KAZN: variants seen among roughly 807,000 people sequenced by gnomAD.
KAZN encodes the protein kazrin, periplakin interacting protein, also known as kazrin.
A neutral mutation model predicts 87.4 loss-of-function variants in KAZN; 40 were observed. The observed-to-expected ratio is 0.46, with a 90% confidence interval of 0.36 to 0.60. KAZN has a LOEUF of 0.60. Ranked by LOEUF, KAZN falls within the 20% of genes least tolerant of loss-of-function variation. The pLI is 0.00. For synonymous variants in KAZN, 466 were observed against 458.3 expected (o/e 1.02, Z -0.22); for missense variants, 898 against 1,073.9 (o/e 0.84, Z 2.29).
rs1644768553 is a variant in KAZN at position 14,122,292 on chromosome 1, G to A, written c.92-58143G>A. Among the ~76,000 whole-genome samples the A allele has an allele frequency of 2.6e-5, 4 of 152,178 alleles. No individual in the cohort carries two copies. In the South Asian group the frequency reaches 6.2e-4, roughly 24 times the overall value. On this transcript the variant is annotated intron_variant, in intron 1 of 16. Coordinates refer to the KAZN transcript ENST00000636203. Reference sequence around the variant, plus strand: ...TCAGAGATAACTGTAAAGTGTTTGAGCAAAACTTGAGTAATTCAATAAAAC... The same window carrying A: ...TCAGAGATAACTGTAAAGTGTTTGAACAAAACTTGAGTAATTCAATAAAAC...
intron 1 of KAZN, among the ~76,000 whole-genome samples, chr1:14,807,322 A>G (rs913333512): frequency 6.6e-6 from 1 of 152,168 alleles, no homozygotes; most frequent in Non-Finnish European, 1.5e-5. Flanking sequence ...TCATTCTGAA[A>G]ATCTCTGGTT....
At chr1:14,030,500 C>T (rs1353099126) in intron 1 of KAZN, among the ~76,000 whole-genome samples, 1 of 152,032 alleles carries the variant, frequency 6.6e-6, no homozygotes. Flanking sequence ...TTAGTGGGTG[C>T]AGCGCACCCG....
At chr1:14,472,343 C>T (rs1186748004) in intron 2 of KAZN, among the ~76,000 whole-genome samples, 1 of 152,220 alleles carries the variant, frequency 6.6e-6, no homozygotes, top group Non-Finnish European at 1.5e-5. Context: ...ACATTTTACT[C>T]TTGTTCATGT....
intron 2 of KAZN, among the ~76,000 whole-genome samples, chr1:14,523,432 C>T (rs1671689350): frequency 6.6e-6 from 1 of 152,178 alleles, no homozygotes; most frequent in Non-Finnish European, 1.5e-5. Flanking sequence ...CAGCTCGGAG[C>T]TTGTGGCCTA....
chr1:14,943,562 C>T (rs1661392094), intron 1 of KAZN, among the ~76,000 whole-genome samples: 1 of 152,166 alleles, frequency 6.6e-6, no homozygotes, highest in Admixed American at 6.5e-5. Flanking sequence ...TAGTACTTGC[C>T]GTGTGCCCAG....
chr1:14,129,527 A>G (rs1446998235), intron 1 of KAZN, among the ~76,000 whole-genome samples: 16 of 152,168 alleles, frequency 1.1e-4, no homozygotes, highest in Non-Finnish European at 4.4e-5. Flanking sequence ...GAGAATTGGC[A>G]AGAGGGATGG....
At chr1:15,053,514 G>T (rs1168521139) in intron 4 of KAZN, among the ~76,000 whole-genome samples, 2 of 152,214 alleles carry the variant, frequency 1.3e-5, no homozygotes, top group African/African-American at 4.8e-5. Context: ...TGGATGTGCT[G>T]AGCCCCAGGC....
intron 2 of KAZN, among the ~76,000 whole-genome samples, chr1:14,568,211 G>A (rs1345773831): frequency 6.6e-6 from 1 of 152,192 alleles, no homozygotes; most frequent in Non-Finnish European, 1.5e-5. Context: ...AAGCTACGAT[G>A]TGAACTGCCT....
chr1:14,937,374 G>C (rs369124965), intron 1 of KAZN, among the ~76,000 whole-genome samples: 120 of 152,288 alleles, frequency 7.9e-4, no homozygotes, highest in African/African-American at 2.6e-3. Flanking sequence ...CGAGTTGTTT[G>C]TACTTTCCTG....
intron 8 of KAZN, among the ~76,000 whole-genome samples, chr1:15,088,768 AG>A (rs1200008462): frequency 2.0e-5 from 3 of 151,940 alleles, no homozygotes; most frequent in Non-Finnish European, 4.4e-5. Context: ...CTCAGTCCTC[AG>A]GGGTGGGGGA....
intron 2 of KAZN, among the ~76,000 whole-genome samples, chr1:14,198,642 C>T (rs549100393): frequency 2.6e-5 from 4 of 152,050 alleles, no homozygotes; most frequent in Admixed American, 6.6e-5. Flanking sequence ...GGGGCAATTG[C>T]GGAAGCAGGG....
intron 1 of KAZN, among the ~76,000 whole-genome samples, chr1:14,851,408 G>A (rs937640737): frequency 5.3e-5 from 8 of 152,322 alleles, no homozygotes; most frequent in African/African-American, 1.2e-4. Context: ...CTGCCCCACC[G>A]CTGCGATAGC....
At position 14,282,294 on chromosome 1, in the gene KAZN, T is replaced by C. The variant is rs574792827; in HGVS notation, c.249+101702T>C. Among the ~76,000 whole-genome samples the C allele has an allele frequency of 2.0e-5, 3 of 152,230 alleles. No individual in the cohort carries two copies. The South Asian group carries it at 6.2e-4, about 32-fold the overall frequency. On this transcript the variant is annotated intron_variant, in intron 2 of 16. Transcript: ENST00000636203. The stretch of plus-strand genomic sequence containing the variant: ...TGGAACAGCTTACAATAATCCACAG[T>C]TGAAAATTACCACTGTCATTACAAC...
At chr1:14,105,960 C>T (rs751325507) in intron 1 of KAZN, among the ~76,000 whole-genome samples, 2 of 152,144 alleles carry the variant, frequency 1.3e-5, no homozygotes, top group Non-Finnish European at 2.9e-5. Flanking sequence ...ATTCTCTACC[C>T]GCTCCTTGCA....
intron 2 of KAZN, among the ~76,000 whole-genome samples, chr1:14,246,469 G>C (rs936181592): frequency 6.6e-6 from 1 of 151,740 alleles, no homozygotes; most frequent in Non-Finnish European, 1.5e-5. Context: ...TTGCAAAATT[G>C]TAAGGATTTT....
chr1:14,947,456 T>G (rs938253), intron 1 of KAZN, among the ~76,000 whole-genome samples: 1 of 152,010 alleles, frequency 6.6e-6, no homozygotes, highest in African/African-American at 2.4e-5. Context: ...GACCTGGCCA[T>G]TTTTTTCATC....
At chr1:15,052,658 A>G (rs1674530658) in intron 4 of KAZN, among the ~76,000 whole-genome samples, 1 of 152,144 alleles carries the variant, frequency 6.6e-6, no homozygotes, top group Non-Finnish European at 1.5e-5. Flanking sequence ...AAGCAGGTGC[A>G]TGTATTTTAG....
At chr1:14,669,204 G>A (rs1639763253) in intron 1 of KAZN, among the ~76,000 whole-genome samples, 1 of 152,188 alleles carries the variant, frequency 6.6e-6, no homozygotes, top group Non-Finnish European at 1.5e-5. Context: ...TTCTGTGAGA[G>A]GATGGATTTT....
At chr1:14,037,333 G>T (rs1251899062) in intron 1 of KAZN, among the ~76,000 whole-genome samples, 4 of 152,194 alleles carry the variant, frequency 2.6e-5, no homozygotes, top group Non-Finnish European at 5.9e-5. Flanking sequence ...CTTACTCAAA[G>T]TGTTTGCCTC....
Sources: allele counts gnomAD v4.1 joint callset (sites outside exome capture counted in the v4.1 genomes callset), GRCh38; gene constraint gnomAD v4.1.1; transcripts MANE v1.5; gene names NCBI Gene and HGNC (gene_info 2026-07-23, HGNC 2026-07-21).